Variants in ME1 observed in about 807,000 individuals in gnomAD.
The protein encoded by ME1 is NADP-dependent malic enzyme.
ME1 carries 74 observed loss-of-function variants against 66.4 expected under a neutral mutation model. The observed-to-expected ratio is 1.11, with a 90% CI of 0.92 to 1.35. The LOEUF (loss-of-function observed/expected upper bound fraction) is 1.35, where lower values mean the gene tolerates loss of function less well. ME1 is among the 40% of genes most tolerant of loss of function. The pLI, the probability that ME1 is intolerant of heterozygous loss-of-function variation, is 0.00. For missense variants in ME1, 750 were observed against 694.1 expected (o/e 1.08, Z -0.90); for synonymous variants, 251 against 235.6 (o/e 1.07, Z -0.60).
rs112513341 is a variant in ME1, at chr6:83,346,161, T to G, written c.600+12A>C. On this transcript the variant is annotated intron_variant, in intron 5 of 13. Transcript: ENST00000369705. Reference sequence around the variant, plus strand: ...AAGGTACATAGCTGCCTTATAGACGTAAATTATTTACCTCATTTTCGGTTC... The same window carrying G: ...AAGGTACATAGCTGCCTTATAGACGGAAATTATTTACCTCATTTTCGGTTC... The G allele has an allele frequency of 5.0e-6, 8 of 1,593,628 alleles. No homozygotes were observed. The African/African-American group carries it at 9.4e-5, about 19-fold the overall frequency.
chr6:83,344,874 C>T (rs879737455), intron 5 of ME1, among the ~76,000 whole-genome samples: 9 of 149,192 alleles, frequency 6.0e-5, no homozygotes, highest in Admixed American at 4.0e-4. Context: ...AGCAAGACTC[C>T]GTCTCAAAAA....
chr6:83,248,437 A>C (rs1029548576), intron 7 of ME1, among the ~76,000 whole-genome samples: 2 of 152,168 alleles, frequency 1.3e-5, no homozygotes, highest in African/African-American at 4.8e-5. Flanking sequence ...GTAGCGCCAA[A>C]GGCACTTTAT....
At chr6:83,268,584 G>C (rs1767029301) in intron 6 of ME1, among the ~76,000 whole-genome samples, 1 of 151,968 alleles carries the variant, frequency 6.6e-6, no homozygotes, top group African/African-American at 2.4e-5. Flanking sequence ...AAACTTTTTC[G>C]AGACAGAGTC....
intron 5 of ME1, among the ~76,000 whole-genome samples, chr6:83,329,572 A>G (rs1768366203): frequency 6.6e-6 from 1 of 152,216 alleles, no homozygotes; most frequent in African/African-American, 2.4e-5. Context: ...TATAAGAAGT[A>G]ACAATAAATT....
At chr6:83,382,820 T>C (rs1272788411) in intron 3 of ME1, among the ~76,000 whole-genome samples, 7 of 150,508 alleles carry the variant, frequency 4.7e-5, no homozygotes, top group African/African-American at 1.3e-4. Context: ...GGAATATGTA[T>C]TGGCTATTTT....
At chr6:83,364,259 T>C (rs1462669963) in intron 3 of ME1, among the ~76,000 whole-genome samples, 1 of 152,166 alleles carries the variant, frequency 6.6e-6, no homozygotes, top group African/African-American at 2.4e-5. Context: ...CTGTGCTGGA[T>C]ACTTCCTGCC....
chr6:83,349,188 G>A (rs1043013253), intron 4 of ME1, among the ~76,000 whole-genome samples: 2 of 151,558 alleles, frequency 1.3e-5, no homozygotes, highest in African/African-American at 4.8e-5. Context: ...TATTACAAAC[G>A]TACATTTATA....
intron 9 of ME1, among the ~76,000 whole-genome samples, 165 bp downstream of exon 9, chr6:83,237,552 T>C (rs1790439680): frequency 6.6e-6 from 1 of 152,206 alleles, no homozygotes; most frequent in African/African-American, 2.4e-5. Flanking sequence ...ATAGTTTTCT[T>C]TATTCAGAAG....
At chr6:83,358,453 C>T (rs1203867151) in intron 3 of ME1, among the ~76,000 whole-genome samples, 3 of 152,150 alleles carry the variant, frequency 2.0e-5, no homozygotes, top group Non-Finnish European at 4.4e-5. Flanking sequence ...CTCAAATCTG[C>T]TAAGATTGCT....
At chr6:83,414,176 C>T (rs1197430754) in intron 1 of ME1, among the ~76,000 whole-genome samples, 1 of 151,056 alleles carries the variant, frequency 6.6e-6, no homozygotes, top group Non-Finnish European at 1.5e-5. Context: ...TCATTTCCCC[C>T]CCAAAAAAAA....
chr6:83,286,961 A>G (rs1382552741), intron 6 of ME1, among the ~76,000 whole-genome samples: 2 of 152,188 alleles, frequency 1.3e-5, no homozygotes, highest in African/African-American at 2.4e-5. Flanking sequence ...TTCAATCATG[A>G]TATTATTAAG....
intron 6 of ME1, among the ~76,000 whole-genome samples, chr6:83,291,042 C>T (rs540624904): frequency 3.3e-5 from 5 of 152,234 alleles, no homozygotes; most frequent in African/African-American, 1.2e-4. Context: ...CTCCTCAATA[C>T]AGTATACCAC....
chr6:83,247,872 G>A (rs1345061762), intron 7 of ME1, among the ~76,000 whole-genome samples: 3 of 152,090 alleles, frequency 2.0e-5, no homozygotes, highest in Non-Finnish European at 2.9e-5. Context: ...ATTTCCTAAG[G>A]CAGTAATACT....
chr6:83,347,965 C>T (rs946447381), intron 4 of ME1, among the ~76,000 whole-genome samples: 1 of 152,136 alleles, frequency 6.6e-6, no homozygotes, highest in East Asian at 1.9e-4. Context: ...TTTCACCATA[C>T]CACATTGCAG....
At chr6:83,366,601 A>G (rs1405122387) in intron 3 of ME1, among the ~76,000 whole-genome samples, 1 of 152,198 alleles carries the variant, frequency 6.6e-6, no homozygotes, top group Non-Finnish European at 1.5e-5. Context: ...TATGGCAAAA[A>G]TCCTAGGATG....
Position 83,223,773 on chromosome 6 carries a change from A to C in ME1, c.1436T>G (p.Leu479Arg). The change falls in exon 12 of 14, where the codon CTC (leucine) becomes CGC (arginine). Residue 479 changes from leucine to arginine, a missense_variant. Physicochemically the swap from Leu to Arg is moderately radical, Grantham distance 102 (BLOSUM62 -2). Coordinates refer to ENST00000369705, the MANE Select transcript of ME1 (RefSeq NM_002395.6). ...GLRQITDNIF[L>R]TTAEVIAQQV... ...ATTTTACAATACCTCAGCAGTAGTG[A>C]GGAAAATATTATCTGTGATCTGCCT... 1.2e-6 allele frequency: 2 copies of C among 1,613,784 alleles called. No individual in the cohort carries two copies. The highest frequency in any genetic ancestry group is 1.7e-6 in the Non-Finnish European group (2 of 1,179,782).
chr6:83,418,659 T>C (rs2128553183), intron 1 of ME1, among the ~76,000 whole-genome samples: 1 of 152,312 alleles, frequency 6.6e-6, no homozygotes, highest in South Asian at 2.1e-4. Flanking sequence ...CACTCACAGA[T>C]ATCATTGAGT....
intron 6 of ME1, among the ~76,000 whole-genome samples, chr6:83,260,778 A>T (rs924094199): frequency 5.9e-5 from 9 of 152,300 alleles, no homozygotes; most frequent in African/African-American, 1.9e-4. Flanking sequence ...CCTGCAAAGG[A>T]TGTGATCTCA....
Position 83,211,749 on chromosome 6 carries a change from T to C in ME1, c.*175A>G, listed in dbSNP as rs111925786. 4.6e-6 allele frequency: 2 copies of C among 439,462 alleles called. No individual in the cohort carries two copies. The highest frequency in any genetic ancestry group is 4.1e-5 in the African/African-American group (2 of 49,314). The allele number at this position is 439,462 out of a possible 1,614,324, so 27.2% of individuals were successfully genotyped here. A position where few individuals can be genotyped will look rare whatever the true frequency, so the allele number is the denominator to read the frequency against. ...ACCAGAAGGCAAAGTGAAGCAAAAT[T>C]GTCTCATGTGATGTTTATCCCAATT... On this transcript the variant is annotated 3_prime_UTR_variant, in exon 14 of 14. Coordinates refer to ENST00000369705, the MANE Select transcript of ME1 (RefSeq NM_002395.6).
Sources: allele counts gnomAD v4.1 joint callset (sites outside exome capture counted in the v4.1 genomes callset), GRCh38; gene constraint gnomAD v4.1.1; transcripts MANE v1.5; gene names NCBI Gene and HGNC (gene_info 2026-07-23, HGNC 2026-07-21).